The following IL1RAPL2 variants were observed in gnomAD, a reference collection of about 807,000 sequenced individuals.
The protein encoded by IL1RAPL2 is X-linked interleukin-1 receptor accessory protein-like 2.
IL1RAPL2 carries 3 observed loss-of-function variants against 44.1 expected under a neutral mutation model. The ratio of observed to expected loss-of-function variants is 0.07; its 90% confidence interval spans 0.03 to 0.18. The LOEUF (loss-of-function observed/expected upper bound fraction) is 0.18, where lower values mean the gene tolerates loss of function less well. Among genes scored for constraint, IL1RAPL2 ranks in the 10% least tolerant of loss-of-function variants. The pLI is 1.00. For missense variants in IL1RAPL2, 391 were observed against 496.4 expected (o/e 0.79, Z 2.02); for synonymous variants, 181 against 178.8 (o/e 1.01, Z -0.10).
intron 2 of IL1RAPL2, among the ~76,000 whole-genome samples, chrX:105,071,925 A>C (rs1402302240): frequency 2.7e-5 from 3 of 112,148 alleles, no homozygotes; most frequent in Non-Finnish European, 5.6e-5. Context: ...GGAAGAAAAC[A>C]CAGGGGAAAA....
chrX:105,354,052 T>A (rs945419457), intron 5 of IL1RAPL2, among the ~76,000 whole-genome samples: 1 of 111,052 alleles, frequency 9.0e-6, no homozygotes, highest in African/African-American at 3.3e-5. Context: ...CCATTCAGTA[T>A]GATATTGGCT....
chrX:104,821,210 A>G (rs933397680), intron 2 of IL1RAPL2, among the ~76,000 whole-genome samples: 1 of 111,652 alleles, frequency 9.0e-6, no homozygotes, highest in Non-Finnish European at 1.9e-5. Context: ...GATTACAACA[A>G]ATTATTTTTG....
chrX:105,363,329 ATT>A (rs1491250618), intron 5 of IL1RAPL2, among the ~76,000 whole-genome samples: 2 of 87,429 alleles, frequency 2.3e-5, no homozygotes, highest in African/African-American at 9.8e-5. Context: ...ATATATATAT[ATT>A]CTTCATTCAT....
Position 104,663,013 on chromosome X carries a change from G to A in IL1RAPL2, c.82+4018G>A, listed in dbSNP as rs1323394853. 5.4e-5 allele frequency among the ~76,000 whole-genome samples: 6 copies of A among 111,878 alleles called. No individual in the cohort carries two copies. The Admixed American group carries it at 5.8e-4, about 11-fold the overall frequency. The stretch of plus-strand genomic sequence containing the variant: ...AATCAGCTAGAAAATGTAGTCCCCA[G>A]TGGTAAGAAGAATGTGAAGACTTGC... On this transcript the variant is annotated intron_variant, in intron 2 of 10. Coordinates refer to ENST00000372582, the MANE Select transcript of IL1RAPL2 (RefSeq NM_017416.2).
At chrX:105,057,309 A>T (rs1246354354) in intron 2 of IL1RAPL2, among the ~76,000 whole-genome samples, 3 of 111,898 alleles carry the variant, frequency 2.7e-5, no homozygotes, top group Non-Finnish European at 5.6e-5. Flanking sequence ...GTCTGCACTG[A>T]TGTAACTGCT....
At chrX:105,172,795 G>C (rs994307334) in intron 2 of IL1RAPL2, among the ~76,000 whole-genome samples, 2 of 111,239 alleles carry the variant, frequency 1.8e-5, no homozygotes, top group African/African-American at 3.3e-5. Flanking sequence ...AGGTTCTGGA[G>C]ATGAGAATGG....
chrX:104,659,059 G>T, intron 2 of IL1RAPL2, 64 bp downstream of exon 2: 1 of 761,704 alleles, frequency 1.3e-6, no homozygotes, highest in Admixed American at 2.6e-5. Context: ...CACCCAGAGG[G>T]CACCTGTGCC....
intron 5 of IL1RAPL2, among the ~76,000 whole-genome samples, chrX:105,296,887 A>G (rs1038983885): frequency 8.9e-6 from 1 of 112,546 alleles, no homozygotes; most frequent in African/African-American, 3.2e-5. Flanking sequence ...TGCCAGTTGC[A>G]TTCACTCAGC....
At chrX:105,730,398 A>G (rs137928588) in intron 7 of IL1RAPL2, among the ~76,000 whole-genome samples, 1,713 of 111,462 alleles carry the variant, frequency 0.015, 33 homozygotes, top group African/African-American at 0.052. Context: ...GGAGAGATAG[A>G]CATCAATAAA....
chrX:105,695,380 T>G (rs1035157151), intron 6 of IL1RAPL2, among the ~76,000 whole-genome samples: 8 of 111,737 alleles, frequency 7.2e-5, no homozygotes, highest in African/African-American at 2.3e-4. Flanking sequence ...AGATCATGTC[T>G]TTTAGAGCAT....
intron 6 of IL1RAPL2, among the ~76,000 whole-genome samples, chrX:105,652,392 A>G (rs957033468): frequency 2.3e-4 from 26 of 111,659 alleles, no homozygotes; most frequent in African/African-American, 8.1e-4. Flanking sequence ...CTGTCATGTT[A>G]TGCTTATCCT....
chrX:105,465,560 A>G (rs2147768433), intron 5 of IL1RAPL2, among the ~76,000 whole-genome samples: 1 of 112,068 alleles, frequency 8.9e-6, no homozygotes, highest in South Asian at 3.7e-4. Context: ...GGATGTTAAT[A>G]TTCTTCTCAA....
intron 5 of IL1RAPL2, among the ~76,000 whole-genome samples, chrX:105,445,363 C>T (rs777063423): frequency 9.9e-5 from 11 of 110,790 alleles, no homozygotes; most frequent in Non-Finnish European, 2.1e-4. Flanking sequence ...TTTCCTTGAT[C>T]GTTTTTATTA....
intron 5 of IL1RAPL2, among the ~76,000 whole-genome samples, chrX:105,418,287 GA>G (rs1191950377): frequency 9.0e-6 from 1 of 110,829 alleles, no homozygotes; most frequent in Non-Finnish European, 1.9e-5. Flanking sequence ...AAAGAAGTGG[GA>G]AAAAAACTGA....
At chrX:104,964,628 C>T (rs2147717958) in intron 2 of IL1RAPL2, among the ~76,000 whole-genome samples, 1 of 110,035 alleles carries the variant, frequency 9.1e-6, no homozygotes, top group South Asian at 3.9e-4. Context: ...TTCTTATGTA[C>T]CCAAGAAAAA....
intron 2 of IL1RAPL2, among the ~76,000 whole-genome samples, chrX:105,134,029 A>G (rs1445613788): frequency 8.9e-6 from 1 of 111,799 alleles, no homozygotes. Context: ...AAGATACATT[A>G]TAGCTTTGTG....
intron 6 of IL1RAPL2, among the ~76,000 whole-genome samples, chrX:105,522,437 G>C (rs2036566457): frequency 8.9e-6 from 1 of 112,378 alleles, no homozygotes; most frequent in African/African-American, 3.2e-5. Flanking sequence ...AAAATGACAT[G>C]CTTGTGCATG....
chrX:105,224,292 A>G (rs1415407822), intron 3 of IL1RAPL2, among the ~76,000 whole-genome samples: 1 of 111,825 alleles, frequency 8.9e-6, no homozygotes, highest in Non-Finnish European at 1.9e-5. Context: ...GTTTCATATA[A>G]TGCACAGAGG....
intron 2 of IL1RAPL2, among the ~76,000 whole-genome samples, chrX:104,924,130 C>T (rs1194934653): frequency 2.7e-5 from 3 of 110,138 alleles, no homozygotes; most frequent in African/African-American, 9.9e-5. Context: ...AAAATATGTG[C>T]ACCCAACACT....
Sources: gnomAD v4.1 joint callset for allele counts (sites outside exome capture counted in the v4.1 genomes callset) on GRCh38, gnomAD v4.1.1 for gene constraint, MANE v1.5 for transcripts, NCBI Gene and HGNC (gene_info 2026-07-23, HGNC 2026-07-21) for gene names.